The following CSMD1 variants were observed in gnomAD, a reference collection of about 807,000 sequenced individuals.
CSMD1 encodes CUB and sushi domain-containing protein 1.
In CSMD1, 213 loss-of-function variants were observed where a neutral mutation model predicts 417.5. The observed-to-expected ratio is 0.51, with a 90% confidence interval of 0.46 to 0.57. The LOEUF (loss-of-function observed/expected upper bound fraction) is 0.57, where lower values mean the gene tolerates loss of function less well. CSMD1 is among the 20% of genes least tolerant of loss of function. CSMD1 has a pLI of 0.00. For missense variants in CSMD1, 6,923 were observed against 4,529.7 expected (o/e 1.53, Z -15.17); for synonymous variants, 2,862 against 1,736.8 (o/e 1.65, Z -16.11).
At chr8:4,454,270 C>A (rs971986419) in intron 2 of CSMD1, among the ~76,000 whole-genome samples, 1 of 152,204 alleles carries the variant, frequency 6.6e-6, no homozygotes, top group Non-Finnish European at 1.5e-5. Flanking sequence ...CACTGCCTAA[C>A]TGGACTCCTG....
chr8:3,823,004 G>C (rs1243362769), intron 5 of CSMD1, among the ~76,000 whole-genome samples: 1 of 152,036 alleles, frequency 6.6e-6, no homozygotes, highest in Non-Finnish European at 1.5e-5. Flanking sequence ...GGTTACGAAG[G>C]CTGAGTCAGC....
chr8:4,690,218 G>T (rs1414531414), intron 1 of CSMD1, among the ~76,000 whole-genome samples: 1 of 152,004 alleles, frequency 6.6e-6, no homozygotes, highest in Admixed American at 6.6e-5. Context: ...CATGATTTTA[G>T]GCTGTGAAAA....
intron 2 of CSMD1, among the ~76,000 whole-genome samples, chr8:4,554,761 T>A (rs976864770): frequency 6.6e-6 from 1 of 152,200 alleles, no homozygotes; most frequent in Non-Finnish European, 1.5e-5. Flanking sequence ...TGAGTGCTAG[T>A]CATTGGCCAG....
intron 3 of CSMD1, among the ~76,000 whole-genome samples, chr8:4,359,817 C>A (rs1047318795): frequency 6.6e-5 from 10 of 152,334 alleles, no homozygotes; most frequent in Middle Eastern, 3.4e-3. Context: ...TGCAGGAACC[C>A]ACCATCTCTC....
At position 3,738,502 on chromosome 8, in the gene CSMD1, C is replaced by G. The variant is rs1482554858; in HGVS notation, c.931+15428G>C. On this transcript the variant is annotated intron_variant, in intron 6 of 69. Transcript: ENST00000635120. ...CATAATTTAAGTTAGAGTTTTGATC[C>G]TGGTGATCAGAAATGCAAATACTGG... Among the ~76,000 whole-genome samples, 3 of 152,210 alleles carry G rather than the reference C, an allele frequency of 2.0e-5. No individual in the cohort carries two copies. The East Asian group carries it at 5.8e-4, about 29-fold the overall frequency.
intron 1 of CSMD1, among the ~76,000 whole-genome samples, chr8:4,698,604 T>TTC (rs1454603438): frequency 9.3e-5 from 14 of 151,270 alleles, no homozygotes; most frequent in Admixed American, 6.6e-4. Flanking sequence ...AGAAATTTTT[T>TTC]TTTTTTTGGT....
At chr8:3,316,444 C>T (rs568707346) in intron 23 of CSMD1, among the ~76,000 whole-genome samples, 8 of 152,200 alleles carry the variant, frequency 5.3e-5, no homozygotes, top group African/African-American at 1.9e-4. Context: ...ACTTATAAAA[C>T]AACACGATGA....
At chr8:3,075,973 C>A (rs559163965) in intron 49 of CSMD1, among the ~76,000 whole-genome samples, 1 of 151,662 alleles carries the variant, frequency 6.6e-6, no homozygotes, top group East Asian at 2.0e-4. Flanking sequence ...ATGGCATGAA[C>A]CTGGGAGGCG....
At chr8:3,200,007 C>T (rs552728096) in intron 32 of CSMD1, among the ~76,000 whole-genome samples, 198 bp from the exon 33 acceptor site, 1 of 152,148 alleles carries the variant, frequency 6.6e-6, no homozygotes, top group East Asian at 1.9e-4. Flanking sequence ...ATAGGCAGTG[C>T]ATTTGATTAA....
At chr8:4,634,350 G>A (rs1185286075) in intron 2 of CSMD1, among the ~76,000 whole-genome samples, 1 of 152,016 alleles carries the variant, frequency 6.6e-6, no homozygotes, top group Non-Finnish European at 1.5e-5. Flanking sequence ...TTTGTCAGCT[G>A]GGGATTAAAT....
intron 3 of CSMD1, among the ~76,000 whole-genome samples, chr8:4,171,645 G>GT (rs936741916): frequency 6.7e-6 from 1 of 149,630 alleles, no homozygotes; most frequent in Non-Finnish European, 1.5e-5. Context: ...AAACTTGCCT[G>GT]TTTTTTTCCC....
chr8:4,292,197 T>C (rs2128867845), intron 3 of CSMD1, among the ~76,000 whole-genome samples: 1 of 152,238 alleles, frequency 6.6e-6, no homozygotes, highest in African/African-American at 2.4e-5. Flanking sequence ...ACTTATTTAT[T>C]TGTATATGCT....
intron 1 of CSMD1, among the ~76,000 whole-genome samples, chr8:4,928,213 A>C (rs1360430977): frequency 6.6e-6 from 1 of 152,170 alleles, no homozygotes; most frequent in Non-Finnish European, 1.5e-5. Context: ...GAAGCTGACC[A>C]GCATGTCTTG....
At chr8:4,333,767 T>G (rs200429554) in intron 3 of CSMD1, among the ~76,000 whole-genome samples, 1 of 152,142 alleles carries the variant, frequency 6.6e-6, no homozygotes, top group African/African-American at 2.4e-5. Flanking sequence ...CACGGGTAGG[T>G]AGCCTTGACC....
intron 1 of CSMD1, among the ~76,000 whole-genome samples, chr8:4,750,856 A>G (rs1811275217): frequency 6.6e-6 from 1 of 151,980 alleles, no homozygotes; most frequent in African/African-American, 2.4e-5. Flanking sequence ...AGATATTGGG[A>G]TTTAGTGAAG....
At chr8:4,456,268 G>T (rs935702694) in intron 2 of CSMD1, among the ~76,000 whole-genome samples, 2 of 152,040 alleles carry the variant, frequency 1.3e-5, no homozygotes, top group African/African-American at 4.8e-5. Flanking sequence ...CAGAAAAGAT[G>T]TTAAGTGAGA....
chr8:3,119,416 T>G (rs1817065495), intron 41 of CSMD1, among the ~76,000 whole-genome samples: 1 of 116,556 alleles, frequency 8.6e-6, no homozygotes, highest in African/African-American at 2.9e-5. Context: ...AAAAAAACAC[T>G]GTATAATCCC....
intron 1 of CSMD1, among the ~76,000 whole-genome samples, chr8:4,914,367 G>T (rs1219476778): frequency 6.6e-6 from 1 of 152,048 alleles, no homozygotes; most frequent in African/African-American, 2.4e-5. Context: ...ACGAGGTCAG[G>T]AGATCGAGAC....
intron 1 of CSMD1, among the ~76,000 whole-genome samples, chr8:4,776,452 A>T (rs1346473601): frequency 1.3e-5 from 2 of 152,182 alleles, no homozygotes; most frequent in East Asian, 3.9e-4. Context: ...TATATTAGGC[A>T]GCACTCGGGC....
Sources: gnomAD v4.1 joint callset for allele counts (sites outside exome capture counted in the v4.1 genomes callset) on GRCh38, gnomAD v4.1.1 for gene constraint, MANE v1.5 for transcripts, NCBI Gene and HGNC (gene_info 2026-07-23, HGNC 2026-07-21) for gene names.